The following PKM variants were observed in gnomAD, a reference collection of about 807,000 sequenced individuals.
The protein encoded by PKM is pyruvate kinase PKM.
In PKM, 18 loss-of-function variants were observed where a neutral mutation model predicts 49.8. That is an observed-to-expected ratio of 0.36 (90% CI 0.25 to 0.54). The LOEUF is 0.54. Ranked by LOEUF, PKM falls within the 20% of genes least tolerant of loss-of-function variation. The pLI is 0.89. For synonymous variants in PKM, 239 were observed against 261.8 expected (o/e 0.91, Z 0.84); for missense variants, 508 against 713.8 (o/e 0.71, Z 3.28).
intron 1 of PKM, among the ~76,000 whole-genome samples, chr15:72,220,276 C>T (rs1017405942): frequency 6.6e-6 from 1 of 152,200 alleles, no homozygotes; most frequent in African/African-American, 2.4e-5. Context: ...GGAACAAGCT[C>T]CTCTTTAGCC....
At chr15:72,214,771 G>A (rs2082335843) in intron 3 of PKM, among the ~76,000 whole-genome samples, 1 of 152,222 alleles carries the variant, frequency 6.6e-6, no homozygotes, top group African/African-American at 2.4e-5. Context: ...CTCCAGCCTG[G>A]ATGACAGAGC....
At chr15:72,203,035 T>C (rs1397863911) in intron 8 of PKM, 1 of 1,614,128 alleles carries the variant, frequency 6.2e-7, no homozygotes, top group East Asian at 2.2e-5. Flanking sequence ...CCAGACTCCG[T>C]CAGAACTATC....
intron 1 of PKM, chr15:72,229,629 CCTTACGAGG>C: frequency 1.6e-6 from 2 of 1,264,062 alleles, no homozygotes; most frequent in Middle Eastern, 2.3e-4. Flanking sequence ...CCTGGTGAGA[CCTTACGAGG>C]CTTCCTGTCC....
At chr15:72,226,986 G>A (rs2082689461) in intron 1 of PKM, among the ~76,000 whole-genome samples, 1 of 152,226 alleles carries the variant, frequency 6.6e-6, no homozygotes, top group Non-Finnish European at 1.5e-5. Context: ...GAGGCAGGAA[G>A]GCCCAGCAGA....
intron 1 of PKM, among the ~76,000 whole-genome samples, chr15:72,223,898 C>A (rs1439844972): frequency 2.1e-5 from 3 of 143,322 alleles, no homozygotes; most frequent in African/African-American, 7.7e-5. Context: ...CTTGTAGGTT[C>A]TAGTAAAATT....
chr15:72,228,661 G>T, intron 1 of PKM: 1 of 1,280,710 alleles, frequency 7.8e-7, no homozygotes, highest in Non-Finnish European at 1.0e-6. Flanking sequence ...CACAGATTTG[G>T]TGATACGTTA....
intron 3 of PKM, among the ~76,000 whole-genome samples, chr15:72,213,421 T>C (rs1044579040): frequency 6.6e-6 from 1 of 152,170 alleles, no homozygotes; most frequent in African/African-American, 2.4e-5. Flanking sequence ...CTAAAATCAT[T>C]TGGACTTAAG....
At chr15:72,216,038 G>A (rs907875914) in intron 3 of PKM, among the ~76,000 whole-genome samples, 2 of 152,174 alleles carry the variant, frequency 1.3e-5, no homozygotes, top group African/African-American at 2.4e-5. Context: ...GGCTGTTTAT[G>A]AACACAGGTT....
intron 1 of PKM, chr15:72,229,650 C>T: frequency 8.0e-7 from 1 of 1,252,312 alleles, no homozygotes; most frequent in Non-Finnish European, 1.0e-6. Flanking sequence ...TTCCTGTCCC[C>T]CTCCCTCCCA....
At chr15:72,222,236 A>T (rs1200490385) in intron 1 of PKM, among the ~76,000 whole-genome samples, 1 of 152,352 alleles carries the variant, frequency 6.6e-6, no homozygotes, top group African/African-American at 2.4e-5. Context: ...CAGTCAAAAA[A>T]AGCTTGCTTG....
chr15:72,229,696 G>A, intron 1 of PKM: 2 of 1,225,806 alleles, frequency 1.6e-6, no homozygotes, highest in South Asian at 2.6e-5. Context: ...CAGCATTACA[G>A]GAGATACATT....
At chr15:72,224,670 C>G (rs2082613707) in intron 1 of PKM, among the ~76,000 whole-genome samples, 3 of 152,012 alleles carry the variant, frequency 2.0e-5, no homozygotes, top group Admixed American at 2.0e-4. Flanking sequence ...CGAGACCAGC[C>G]TGGCTAATAT....
chr15:72,209,947 G>A (rs563634928), intron 4 of PKM, 88 bp from the exon 5 acceptor site: 16 of 1,107,362 alleles, frequency 1.4e-5, no homozygotes, highest in Middle Eastern at 2.0e-4. Context: ...CTTTCCTCCC[G>A]GGAACAATGC....
chr15:72,230,749 G>A (rs1167964728), intron 1 of PKM: 10 of 354,310 alleles, frequency 2.8e-5, no homozygotes, highest in Non-Finnish European at 5.6e-5. Context: ...CAGGCGGCGC[G>A]GAGAAAGGGG....
chr15:72,209,907 CA>C, intron 4 of PKM, 48 bp from the exon 5 acceptor site: 1 of 1,444,148 alleles, frequency 6.9e-7, no homozygotes, highest in Non-Finnish European at 9.8e-7. Flanking sequence ...ACACCAGTAG[CA>C]GCATCACCTC....
intron 8 of PKM, among the ~76,000 whole-genome samples, chr15:72,205,788 A>C (rs568767565): frequency 6.6e-6 from 1 of 152,268 alleles, no homozygotes; most frequent in African/African-American, 2.4e-5. Context: ...GTTTAAGTTC[A>C]CTGAGCATGA....
At chr15:72,219,197 C>T (rs539768353) in intron 1 of PKM, 87 bp from the exon 2 acceptor site, 2 of 1,234,580 alleles carry the variant, frequency 1.6e-6, no homozygotes, top group Admixed American at 3.8e-5. Context: ...CCTGCTTACA[C>T]ATTAACTCAA....
chr15:72,215,362 C>T (rs1429626023), intron 3 of PKM, among the ~76,000 whole-genome samples: 1 of 152,074 alleles, frequency 6.6e-6, no homozygotes, highest in Non-Finnish European at 1.5e-5. Context: ...GCACATGAAA[C>T]GATAGCCCTG....
At chr15:72,207,016 CTG>C in intron 7 of PKM, 109 bp downstream of exon 7, 1 of 1,489,378 alleles carries the variant, frequency 6.7e-7, no homozygotes, top group Non-Finnish European at 9.4e-7. Flanking sequence ...AGGGGATTAT[CTG>C]TGTGTTACGT....
Sources: allele counts gnomAD v4.1 joint callset (sites outside exome capture counted in the v4.1 genomes callset), GRCh38; gene constraint gnomAD v4.1.1; transcripts MANE v1.5; gene names NCBI Gene and HGNC (gene_info 2026-07-23, HGNC 2026-07-21).